COG5: variants seen among roughly 807,000 people sequenced by gnomAD.
COG5 encodes the protein conserved oligomeric Golgi complex subunit 5.
Under a neutral mutation model 110.4 loss-of-function variants are expected in COG5, and 86 were observed. That is an observed-to-expected ratio of 0.78 (90% confidence interval 0.65 to 0.93). COG5 has a LOEUF of 0.93. Ranked by LOEUF, COG5 falls within the 40% of genes least tolerant of loss-of-function variation. The pLI is 0.00. For missense variants in COG5, 1,077 were observed against 987.0 expected (o/e 1.09, Z -1.22); for synonymous variants, 360 against 334.6 (o/e 1.08, Z -0.83).
chr7:107,337,596 G>C (rs981913152), intron 10 of COG5, among the ~76,000 whole-genome samples: 6 of 151,994 alleles, frequency 3.9e-5, no homozygotes, highest in African/African-American at 1.4e-4. Context: ...TTAAAATTTT[G>C]ATCTCATGGA....
intron 21 of COG5, among the ~76,000 whole-genome samples, chr7:107,204,006 C>T (rs888353477): frequency 6.6e-6 from 1 of 152,188 alleles, no homozygotes; most frequent in African/African-American, 2.4e-5. Flanking sequence ...GGGCATCCTG[C>T]GCCTCTGAAA....
chr7:107,269,025 T>C (rs1222293762), intron 14 of COG5, among the ~76,000 whole-genome samples: 1 of 152,198 alleles, frequency 6.6e-6, no homozygotes, highest in Non-Finnish European at 1.5e-5. Flanking sequence ...CTTTCCCTTA[T>C]TTGTCATGAT....
intron 11 of COG5, among the ~76,000 whole-genome samples, chr7:107,308,877 G>A (rs1807961765): frequency 6.6e-6 from 1 of 151,948 alleles, no homozygotes; most frequent in African/African-American, 2.4e-5. Flanking sequence ...AGTGTTTTCT[G>A]AGCCCTTTCA....
chr7:107,242,523 A>T (rs376060086), intron 17 of COG5, among the ~76,000 whole-genome samples: 11 of 152,344 alleles, frequency 7.2e-5, no homozygotes, highest in African/African-American at 2.6e-4. Flanking sequence ...GCAACTCAGC[A>T]ACTCCAAGAG....
chr7:107,434,409 T>G (rs941407742), intron 6 of COG5, among the ~76,000 whole-genome samples: 6 of 151,956 alleles, frequency 3.9e-5, no homozygotes, highest in African/African-American at 1.5e-4. Flanking sequence ...AGCCAAGAGG[T>G]AAAAAGCAAC....
chr7:107,210,114 A>C (rs1348196736), intron 21 of COG5: 1 of 1,055,640 alleles, frequency 9.5e-7, no homozygotes, highest in Non-Finnish European at 1.1e-6. Context: ...TTTCCTCCTC[A>C]GAACTGTTTC....
chr7:107,227,078 GCTCC>G (rs1800396245), intron 19 of COG5, among the ~76,000 whole-genome samples: 1 of 152,116 alleles, frequency 6.6e-6, no homozygotes, highest in African/African-American at 2.4e-5. Context: ...AAAAAACTTG[GCTCC>G]CTGTCACTAG....
intron 7 of COG5, among the ~76,000 whole-genome samples, chr7:107,375,842 C>A (rs146707051): frequency 6.6e-5 from 10 of 152,058 alleles, no homozygotes; most frequent in Admixed American, 2.0e-4. Flanking sequence ...ATTAATCTTA[C>A]TCTCTACGGT....
intron 10 of COG5, among the ~76,000 whole-genome samples, chr7:107,339,310 A>C (rs1340204082): frequency 6.6e-6 from 1 of 152,116 alleles, no homozygotes; most frequent in Non-Finnish European, 1.5e-5. Context: ...GCTCAATTCA[A>C]CAAAAAGACT....
At chr7:107,499,029 G>A (rs1798463559) in intron 6 of COG5, among the ~76,000 whole-genome samples, 1 of 152,162 alleles carries the variant, frequency 6.6e-6, no homozygotes, top group Non-Finnish European at 1.5e-5. Context: ...ATTATGCTTA[G>A]TAAAATAAGC....
intron 19 of COG5, among the ~76,000 whole-genome samples, chr7:107,227,152 G>A (rs958182186): frequency 2.0e-5 from 3 of 152,186 alleles, no homozygotes; most frequent in African/African-American, 7.2e-5. Flanking sequence ...GCTGGATGCA[G>A]GCCATGAGTG....
At chr7:107,489,777 A>G (rs1389166575) in intron 6 of COG5, among the ~76,000 whole-genome samples, 2 of 152,170 alleles carry the variant, frequency 1.3e-5, no homozygotes, top group Non-Finnish European at 2.9e-5. Context: ...CTTGCAACAC[A>G]GCAAATAATT....
At chr7:107,542,750 A>T (rs758193031) in intron 5 of COG5, among the ~76,000 whole-genome samples, 2 of 152,078 alleles carry the variant, frequency 1.3e-5, no homozygotes, top group Non-Finnish European at 2.9e-5. Context: ...CAGGTGGATC[A>T]CTTGAGGTCA....
intron 6 of COG5, among the ~76,000 whole-genome samples, chr7:107,458,033 CAAAGATAAG>C (rs1425565525): frequency 1.3e-5 from 2 of 151,968 alleles, no homozygotes; most frequent in African/African-American, 4.8e-5. Flanking sequence ...AACTGAGGAA[CAAAGATAAG>C]AATGATCACA....
At chr7:107,539,651 CAAGATGCAATCTTGTGAATATAGTAAA>C (rs1053956567) in intron 5 of COG5, among the ~76,000 whole-genome samples, 2 of 152,042 alleles carry the variant, frequency 1.3e-5, no homozygotes, top group African/African-American at 4.8e-5. Context: ...ATTGTATTCA[CAAGATGCAATCTTGTGAATATAGTAAA>C]AACCCCTAAA....
chr7:107,376,936 T>C (rs984797724), intron 7 of COG5, among the ~76,000 whole-genome samples: 6 of 152,176 alleles, frequency 3.9e-5, no homozygotes, highest in Admixed American at 1.3e-4. Context: ...TTGGTCATAA[T>C]ACATTATCAG....
chr7:107,211,292 T>C, intron 19 of COG5, 67 bp from the exon 20 acceptor site: 12 of 1,550,146 alleles, frequency 7.7e-6, no homozygotes, highest in Non-Finnish European at 1.1e-5. Context: ...GGTGGGAGAA[T>C]CATTCTCCTT....
intron 7 of COG5, among the ~76,000 whole-genome samples, chr7:107,397,560 G>T (rs568706205): frequency 2.6e-5 from 4 of 151,968 alleles, no homozygotes; most frequent in East Asian, 2.0e-4. Context: ...AAAAACAAAA[G>T]AATAAAATCA....
intron 14 of COG5, among the ~76,000 whole-genome samples, chr7:107,275,337 T>C (rs1055537747): frequency 2.0e-5 from 3 of 151,396 alleles, no homozygotes; most frequent in Non-Finnish European, 2.9e-5. Flanking sequence ...CCTAAAGGGA[T>C]TGGTGTGTTT....
Sources: allele counts gnomAD v4.1 joint callset (sites outside exome capture counted in the v4.1 genomes callset), GRCh38; gene constraint gnomAD v4.1.1; transcripts MANE v1.5; gene names NCBI Gene and HGNC (gene_info 2026-07-23, HGNC 2026-07-21).